The following DCC variants were observed in gnomAD, a reference collection of about 807,000 sequenced individuals.
The protein encoded by DCC is DCC netrin 1 receptor.
A neutral mutation model predicts 172.5 loss-of-function variants in DCC; 58 were observed. That is an observed-to-expected ratio of 0.34 (90% CI 0.27 to 0.42). The LOEUF (loss-of-function observed/expected upper bound fraction) is 0.42, where lower values mean the gene tolerates loss of function less well. Among genes scored for constraint, DCC ranks in the 10% least tolerant of loss-of-function variants. The probability of loss-of-function intolerance (pLI) is 1.00; values close to 1 mark genes in which losing one functional copy is unlikely to be tolerated. For synonymous variants in DCC, 709 were observed against 644.5 expected (o/e 1.10, Z -1.52); for missense variants, 1,740 against 1,791.0 (o/e 0.97, Z 0.51).
chr18:52,895,447 G>A (rs1385900145), intron 2 of DCC, among the ~76,000 whole-genome samples: 1 of 152,134 alleles, frequency 6.6e-6, no homozygotes, highest in Non-Finnish European at 1.5e-5. Flanking sequence ...ATATGCTCGT[G>A]AAGAGTTGCT....
intron 8 of DCC, among the ~76,000 whole-genome samples, chr18:53,176,200 T>C (rs1415141745): frequency 1.5e-5 from 2 of 131,204 alleles, no homozygotes; most frequent in African/African-American, 3.0e-5. Flanking sequence ...AAGACTTAAA[T>C]GTTAGACCTA....
chr18:52,569,145 C>T (rs764806101), intron 1 of DCC, among the ~76,000 whole-genome samples: 2 of 152,138 alleles, frequency 1.3e-5, no homozygotes, highest in African/African-American at 2.4e-5. Context: ...GCTACATAGC[C>T]GTCCAGCACT....
intron 9 of DCC, among the ~76,000 whole-genome samples, chr18:53,197,488 A>C (rs1225290222): frequency 7.3e-6 from 1 of 137,628 alleles, no homozygotes; most frequent in Non-Finnish European, 1.5e-5. Flanking sequence ...AACTCATTGT[A>C]CTACACAGTC....
chr18:52,430,646 G>A (rs1039456632), intron 1 of DCC, among the ~76,000 whole-genome samples: 3 of 152,268 alleles, frequency 2.0e-5, no homozygotes, highest in Admixed American at 6.5e-5. Context: ...AAATGACAAA[G>A]AGGAGCTGTG....
chr18:53,359,080 C>G (rs2057916019), intron 15 of DCC, among the ~76,000 whole-genome samples: 1 of 151,958 alleles, frequency 6.6e-6, no homozygotes, highest in East Asian at 1.9e-4. Flanking sequence ...ACTGCAGAGT[C>G]AAGGAAAAGC....
rs1481050224 is a variant in DCC at position 53,429,060 on chromosome 18, ATT to A, written c.3164-6081_3164-6080del. Among the ~76,000 whole-genome samples the A allele has an allele frequency of 2.0e-3, 95 of 47,044 alleles. 1 individual carries two copies. Among genetic ancestry groups the A allele is most frequent in the South Asian group, 4.3e-3 (9 of 2,084 alleles). 30.9% of individuals were successfully genotyped at this position (47,044 alleles called of 152,430 possible). On this transcript the variant is annotated intron_variant, in intron 21 of 28. Coordinates refer to ENST00000442544, the MANE Select transcript of DCC (RefSeq NM_005215.4). ...ATATTTTATATATAATATATTATATATTTTATATATAATATATATTTTATATA... is the reference window on the plus strand; with the variant it reads ...ATATTTTATATATAATATATTATATATTATATATAATATATATTTTATATA...
chr18:53,272,257 GT>G, intron 12 of DCC, among the ~76,000 whole-genome samples: 1 of 152,146 alleles, frequency 6.6e-6, no homozygotes, highest in Non-Finnish European at 1.5e-5. Context: ...AGTAGAATAT[GT>G]ATTACCTAGC....
chr18:52,348,997 C>T (rs1166775447), intron 1 of DCC, among the ~76,000 whole-genome samples: 3 of 151,950 alleles, frequency 2.0e-5, no homozygotes, highest in Non-Finnish European at 2.9e-5. Flanking sequence ...TATAATGGAA[C>T]TAAAGGATAA....
chr18:52,649,539 T>C (rs2035086857), intron 1 of DCC, among the ~76,000 whole-genome samples: 1 of 152,142 alleles, frequency 6.6e-6, no homozygotes, highest in Non-Finnish European at 1.5e-5. Context: ...ATGTACATTG[T>C]ACCCATTAGG....
intron 25 of DCC, among the ~76,000 whole-genome samples, chr18:53,483,040 A>G (rs2145213909): frequency 6.6e-6 from 1 of 152,080 alleles, no homozygotes; most frequent in African/African-American, 2.4e-5. Context: ...AAAATCCTTC[A>G]TATTAAACTC....
chr18:52,622,152 C>T (rs1292172713), intron 1 of DCC, among the ~76,000 whole-genome samples: 2 of 152,128 alleles, frequency 1.3e-5, no homozygotes, highest in Non-Finnish European at 1.5e-5. Context: ...CAGGAATTCA[C>T]ATTAATAATT....
chr18:53,418,265 A>G (rs1053498472), intron 21 of DCC, among the ~76,000 whole-genome samples: 1 of 152,176 alleles, frequency 6.6e-6, no homozygotes, highest in African/African-American at 2.4e-5. Context: ...TCAAATTCTT[A>G]CAAAGAAAGC....
chr18:53,120,964 T>C (rs959733568), intron 7 of DCC, among the ~76,000 whole-genome samples: 2 of 151,930 alleles, frequency 1.3e-5, no homozygotes, highest in Admixed American at 1.3e-4. Flanking sequence ...AATGGAATTA[T>C]TACCCTGATG....
At chr18:52,608,922 A>G (rs1025931858) in intron 1 of DCC, among the ~76,000 whole-genome samples, 1 of 152,116 alleles carries the variant, frequency 6.6e-6, no homozygotes, top group Non-Finnish European at 1.5e-5. Flanking sequence ...CCATCAGACA[A>G]TTGTCCGTAT....
intron 1 of DCC, among the ~76,000 whole-genome samples, chr18:52,664,928 A>G (rs1302216535): frequency 6.6e-6 from 1 of 152,142 alleles, no homozygotes; most frequent in Non-Finnish European, 1.5e-5. Context: ...CCAACACTGA[A>G]TGCAGGACAG....
chr18:53,173,992 G>A (rs1169421020), intron 8 of DCC, among the ~76,000 whole-genome samples: 3 of 81,686 alleles, frequency 3.7e-5, no homozygotes, highest in African/African-American at 5.3e-5. Context: ...TCAGACCACA[G>A]TGCAATCAAA....
intron 25 of DCC, among the ~76,000 whole-genome samples, chr18:53,474,175 T>C (rs1712479221): frequency 6.6e-6 from 1 of 152,174 alleles, no homozygotes; most frequent in Non-Finnish European, 1.5e-5. Context: ...TATAAAATAT[T>C]AGTCAACAGG....
intron 8 of DCC, among the ~76,000 whole-genome samples, chr18:53,177,180 G>C (rs924279023): frequency 2.0e-5 from 3 of 151,682 alleles, no homozygotes; most frequent in African/African-American, 7.2e-5. Context: ...GGACTGTTGT[G>C]GGGTGGGGGG....
At chr18:52,674,395 C>T (rs2035612029) in intron 1 of DCC, among the ~76,000 whole-genome samples, 1 of 152,148 alleles carries the variant, frequency 6.6e-6, no homozygotes, top group African/African-American at 2.4e-5. Flanking sequence ...CTTCCATTTG[C>T]TTCTGTTGAA....
Sources: gnomAD v4.1 joint callset for allele counts (sites outside exome capture counted in the v4.1 genomes callset) on GRCh38, gnomAD v4.1.1 for gene constraint, MANE v1.5 for transcripts, NCBI Gene and HGNC (gene_info 2026-07-23, HGNC 2026-07-21) for gene names.